The following TTC7B variants were observed in gnomAD, a reference collection of about 807,000 sequenced individuals.
TTC7B encodes tetratricopeptide repeat protein 7B.
A neutral mutation model predicts 106.8 loss-of-function variants in TTC7B; 28 were observed. The observed-to-expected ratio is 0.26, with a 90% CI of 0.19 to 0.36. The LOEUF is 0.36. Ranked by LOEUF, TTC7B falls within the 10% of genes least tolerant of loss-of-function variation. The pLI is 1.00. For synonymous variants in TTC7B, 405 were observed against 430.6 expected (o/e 0.94, Z 0.74); for missense variants, 862 against 1,076.4 (o/e 0.80, Z 2.79).
intron 16 of TTC7B, among the ~76,000 whole-genome samples, chr14:90,614,618 G>A (rs1170498972): frequency 6.6e-6 from 1 of 152,260 alleles, no homozygotes; most frequent in African/African-American, 2.4e-5. Context: ...TGTTAGGCCT[G>A]GGGCTGAATC....
intron 4 of TTC7B, among the ~76,000 whole-genome samples, chr14:90,736,941 C>CAT (rs1889557693): frequency 7.2e-6 from 1 of 138,158 alleles, no homozygotes; most frequent in Non-Finnish European, 1.6e-5. Flanking sequence ...TACACACATA[C>CAT]ATATATATGG....
At chr14:90,774,732 A>T (rs1347419379) in intron 3 of TTC7B, among the ~76,000 whole-genome samples, 1 of 152,088 alleles carries the variant, frequency 6.6e-6, no homozygotes, top group African/African-American at 2.4e-5. Context: ...TCTTCATGTG[A>T]TCTTCCCCTA....
intron 3 of TTC7B, chr14:90,767,080 G>A: frequency 3.0e-6 from 2 of 670,584 alleles, no homozygotes; most frequent in Non-Finnish European, 5.0e-6. Context: ...TGGGCTGGGT[G>A]CAGTAGCTCA....
intron 3 of TTC7B, among the ~76,000 whole-genome samples, chr14:90,779,747 G>A (rs1020913013): frequency 3.3e-5 from 5 of 152,352 alleles, no homozygotes; most frequent in African/African-American, 1.2e-4. Flanking sequence ...GGAAGCAGCA[G>A]CTTGGAACGG....
intron 19 of TTC7B, among the ~76,000 whole-genome samples, chr14:90,566,569 C>G (rs1890810275): frequency 6.6e-6 from 1 of 152,124 alleles, no homozygotes; most frequent in African/African-American, 2.4e-5. Context: ...ACACTAACAC[C>G]TGGAAAGGTA....
intron 17 of TTC7B, among the ~76,000 whole-genome samples, chr14:90,609,996 A>G (rs1892807809): frequency 6.6e-6 from 1 of 152,228 alleles, no homozygotes; most frequent in African/African-American, 2.4e-5. Flanking sequence ...TCTTTAAAAT[A>G]TTGTATAAAA....
intron 5 of TTC7B, among the ~76,000 whole-genome samples, chr14:90,717,800 G>A (rs569884335): frequency 1.5e-4 from 23 of 152,338 alleles, no homozygotes; most frequent in African/African-American, 5.5e-4. Flanking sequence ...AGGCAGGTAG[G>A]TGATTGAGCT....
At chr14:90,605,576 G>A (rs1406798536) in intron 17 of TTC7B, 2 of 1,265,962 alleles carry the variant, frequency 1.6e-6, no homozygotes. Flanking sequence ...GGTCTCACAA[G>A]AAAGGAAAAA....
At chr14:90,791,872 C>T (rs902779086) in intron 1 of TTC7B, among the ~76,000 whole-genome samples, 2 of 152,112 alleles carry the variant, frequency 1.3e-5, no homozygotes, top group Non-Finnish European at 1.5e-5. Context: ...ACATGAACTT[C>T]TATCCTGATC....
intron 15 of TTC7B, among the ~76,000 whole-genome samples, chr14:90,623,973 A>G (rs1884324021): frequency 6.6e-6 from 1 of 152,240 alleles, no homozygotes; most frequent in South Asian, 2.1e-4. Context: ...GTGAACCAAG[A>G]TGGCGCCACT....
At chr14:90,812,254 T>C (rs555544472) in intron 1 of TTC7B, among the ~76,000 whole-genome samples, 1 of 152,150 alleles carries the variant, frequency 6.6e-6, no homozygotes, top group East Asian at 1.9e-4. Context: ...CGGTGCCAGG[T>C]CACTGCACTT....
Position 90,526,973 on chromosome 14 carries a change from G to C in TTC7B, c.*14395C>G, listed in dbSNP as rs1041849381. On this transcript the variant is annotated 3_prime_UTR_variant, in exon 20 of 20. Transcript: ENST00000328459. ...CCTAATATTTAGCTATGTCTTCATG[G>C]GCTTCTCTGGTTTTCGTCAGTTTCT... The C allele has an allele frequency of 6.6e-6, 1 of 152,064 alleles. No individual in the cohort carries two copies. The highest frequency in any genetic ancestry group is 1.5e-5 in the Non-Finnish European group (1 of 68,038). 9.4% of individuals were successfully genotyped at this position (152,064 alleles called of 1,614,324 possible). A position where few individuals can be genotyped will look rare whatever the true frequency, so the allele number is the denominator to read the frequency against.
At chr14:90,801,118 G>A (rs1175322232) in intron 1 of TTC7B, among the ~76,000 whole-genome samples, 2 of 151,650 alleles carry the variant, frequency 1.3e-5, no homozygotes, top group African/African-American at 4.8e-5. Flanking sequence ...CAAGCTACAG[G>A]GGAGGCTGAG....
At chr14:90,634,867 T>C (rs931912179) in intron 15 of TTC7B, among the ~76,000 whole-genome samples, 3 of 152,132 alleles carry the variant, frequency 2.0e-5, no homozygotes, top group African/African-American at 7.2e-5. Context: ...ACAATACCAA[T>C]ACAGTTTTAA....
At chr14:90,573,580 C>T (rs1426217333) in intron 19 of TTC7B, among the ~76,000 whole-genome samples, 1 of 148,980 alleles carries the variant, frequency 6.7e-6, no homozygotes, top group Non-Finnish European at 1.5e-5. Flanking sequence ...GGCTCACGGT[C>T]CCTCTCCGGC....
At position 90,577,982 on chromosome 14, in the gene TTC7B, C is replaced by G. The variant is rs1891325129; in HGVS notation, c.2310+124G>C. 1 of 1,220,880 alleles carries G rather than the reference C, an allele frequency of 8.2e-7. No homozygotes were observed. Among genetic ancestry groups the G allele is most frequent in the African/African-American group, 1.5e-5 (1 of 66,926 alleles). The allele number at this position is 1,220,880 out of a possible 1,614,324, so 75.6% of individuals were successfully genotyped here. A position where few individuals can be genotyped will look rare whatever the true frequency, so the allele number is the denominator to read the frequency against. Reference sequence around the variant, plus strand: ...CTCTGGCTTCAGGCCATGTGACAGCCTGGCAAGCTAACTGCATGGGGCCTT... The same window carrying G: ...CTCTGGCTTCAGGCCATGTGACAGCGTGGCAAGCTAACTGCATGGGGCCTT... On this transcript the variant is annotated intron_variant, in intron 19 of 19. Coordinates refer to ENST00000328459, the MANE Select transcript of TTC7B (RefSeq NM_001010854.2). The surrounding 1 kb of genome is among the most constrained non-coding windows in gnomAD (Gnocchi z 5.0).
At chr14:90,711,486 A>G (rs58122595) in intron 5 of TTC7B, among the ~76,000 whole-genome samples, 4,176 of 152,288 alleles carry the variant, frequency 0.027, 183 homozygotes, top group African/African-American at 0.092. Flanking sequence ...CACTGGTGCA[A>G]TATCAGCTCA....
Position 90,599,617 on chromosome 14 carries a change from G to A in TTC7B, c.1967-5991C>T, listed in dbSNP as rs141063092. On this transcript the variant is annotated intron_variant, in intron 17 of 19. Transcript: ENST00000328459. ...GGCACGTGGCCACACCCCAAGCCCC[G>A]TCTCTGTTTGGCACCCACATTCTTT... Among the ~76,000 whole-genome samples the A allele has an allele frequency of 5.3e-5, 8 of 152,318 alleles. No individual in the cohort carries two copies. The East Asian group carries it at 7.7e-4, about 15-fold the overall frequency.
intron 5 of TTC7B, among the ~76,000 whole-genome samples, chr14:90,721,163 C>T (rs922191824): frequency 1.3e-5 from 2 of 152,120 alleles, no homozygotes; most frequent in African/African-American, 4.8e-5. Context: ...TAACCTCCTC[C>T]CCGACTTTGG....
Sources: allele counts gnomAD v4.1 joint callset (sites outside exome capture counted in the v4.1 genomes callset), GRCh38; gene constraint gnomAD v4.1.1; non-coding constraint Gnocchi (gnomAD v3.1); transcripts MANE v1.5; gene names NCBI Gene and HGNC (gene_info 2026-07-23, HGNC 2026-07-21).